Variants in CEP70 observed in about 807,000 individuals in gnomAD.
CEP70 encodes centrosomal protein 70.
In CEP70, 70 loss-of-function variants were observed where a neutral mutation model predicts 90.9. The observed-to-expected ratio is 0.77, with a 90% CI of 0.64 to 0.94. The LOEUF (loss-of-function observed/expected upper bound fraction) is 0.94. Ranked by LOEUF, CEP70 falls within the 40% of genes least tolerant of loss-of-function variation. The probability of loss-of-function intolerance (pLI) is 0.00; values close to 1 mark genes in which losing one functional copy is unlikely to be tolerated. For missense variants in CEP70, 648 were observed against 669.0 expected (o/e 0.97, Z 0.35); for synonymous variants, 220 against 228.3 (o/e 0.96, Z 0.33).
At chr3:138,582,794 T>C (rs994188506) in intron 2 of CEP70, among the ~76,000 whole-genome samples, 2 of 151,738 alleles carry the variant, frequency 1.3e-5, no homozygotes, top group African/African-American at 4.8e-5. Context: ...ATAAATAAGA[T>C]AATGGATTAT....
In CEP70 at chr3:138,505,430, T is replaced by G; in HGVS notation, c.1086A>C (p.Pro362=). 1 of 1,608,092 alleles carries G rather than the reference T, an allele frequency of 6.2e-7. No individual in the cohort carries two copies. Among genetic ancestry groups the G allele is most frequent in the Non-Finnish European group, 8.5e-7 (1 of 1,178,018 alleles). The change falls in exon 13 of 18, where the codon CCA becomes CCC. Residue 362 remains proline (P), a synonymous_variant. Coordinates refer to ENST00000264982, the MANE Select transcript of CEP70 (RefSeq NM_024491.4). Reference sequence around the variant, plus strand: ...GTTTATAAATTATTACTGGAGCTCTTGGATTGTGGATAATTGAATTGATGC... The same window carrying G: ...GTTTATAAATTATTACTGGAGCTCTGGGATTGTGGATAATTGAATTGATGC... The part of the protein sequence containing the change: ...LCSINSIIHN[P]RAPVIIYKQT...
chr3:138,534,075 C>T (rs1033001058), intron 7 of CEP70, among the ~76,000 whole-genome samples: 1 of 152,214 alleles, frequency 6.6e-6, no homozygotes, highest in East Asian at 1.9e-4. Flanking sequence ...TAAGCCACTG[C>T]GCCCGGCCTG....
chr3:138,541,778 T>C (rs1448471509), intron 6 of CEP70, among the ~76,000 whole-genome samples: 1 of 152,148 alleles, frequency 6.6e-6, no homozygotes, highest in Non-Finnish European at 1.5e-5. Context: ...TCCCAGCACT[T>C]TGGGAGGCAG....
chr3:138,495,118 T>C (rs758417188), intron 17 of CEP70, 42 bp from the exon 18 acceptor site: 12 of 1,212,752 alleles, frequency 9.9e-6, no homozygotes, highest in Non-Finnish European at 1.3e-5. Flanking sequence ...AGTAACTTTT[T>C]CTAGTGGTAA....
At chr3:138,521,106 A>C (rs2036578039) in intron 11 of CEP70, among the ~76,000 whole-genome samples, 1 of 152,308 alleles carries the variant, frequency 6.6e-6, no homozygotes, top group African/African-American at 2.4e-5. Flanking sequence ...TTGCTCACTC[A>C]GTGCTCAATG....
At chr3:138,506,019 C>G (rs1308462515) in intron 12 of CEP70, among the ~76,000 whole-genome samples, 1 of 152,194 alleles carries the variant, frequency 6.6e-6, no homozygotes, top group East Asian at 1.9e-4. Flanking sequence ...CAAACACTAC[C>G]TAGGTTCAAA....
chr3:138,570,399 T>A lies in CEP70; in HGVS notation c.384A>T (p.Glu128Asp), dbSNP rs1208852252. 1 of 1,609,060 alleles carries A rather than the reference T, an allele frequency of 6.2e-7. No individual in the cohort carries two copies. Among genetic ancestry groups the A allele is most frequent in the Non-Finnish European group, 8.5e-7 (1 of 1,178,234 alleles). Residue 128 changes from glutamate to aspartate, a missense_variant, in exon 6 of 18, where the codon GAA becomes GAT. Transcript: ENST00000264982. ...IMESVKSKIG[E>D]LEDESLSRAC... ...CCCTACTTAGTGATTCATCCTCCAA[T>A]TCACCAATTTTGGATTTCACACTTT...
At chr3:138,590,004 T>C (rs907398478) in intron 2 of CEP70, among the ~76,000 whole-genome samples, 1 of 151,784 alleles carries the variant, frequency 6.6e-6, no homozygotes, top group Non-Finnish European at 1.5e-5. Flanking sequence ...AATATATTAA[T>C]AGAACTAATA....
At chr3:138,555,243 C>A (rs1456986125) in intron 6 of CEP70, among the ~76,000 whole-genome samples, 3 of 88,566 alleles carry the variant, frequency 3.4e-5, no homozygotes, top group South Asian at 4.8e-4. Flanking sequence ...ATTGAGACTC[C>A]ATCTCAAAAA....
intron 2 of CEP70, among the ~76,000 whole-genome samples, chr3:138,574,432 G>A (rs374196839): frequency 3.9e-4 from 60 of 152,336 alleles, no homozygotes; most frequent in Middle Eastern, 3.4e-3. Context: ...TAAACAAAGC[G>A]GCAGGAAAGC....
Position 138,500,195 on chromosome 3 carries a change from TTAC to T in CEP70, c.1564_1566del (p.Val522del). On this transcript the variant is annotated inframe_deletion, in exon 16 of 18. Coordinates refer to ENST00000264982, the MANE Select transcript of CEP70 (RefSeq NM_024491.4). ...AGCCTACAGAGTTTTCCAACAGTGCTTACTAGCACACACAATGAGGATGAACTA... is the reference window on the plus strand; with the variant it reads ...AGCCTACAGAGTTTTCCAACAGTGCTTAGCACACACAATGAGGATGAACTA... 2 of 1,613,156 alleles carry T rather than the reference TTAC, an allele frequency of 1.2e-6. No homozygotes were observed. Among genetic ancestry groups the T allele is most frequent in the Non-Finnish European group, 1.7e-6 (2 of 1,179,114 alleles).
chr3:138,566,144 T>C (rs1444078746), intron 6 of CEP70, among the ~76,000 whole-genome samples: 1 of 152,226 alleles, frequency 6.6e-6, no homozygotes, highest in Admixed American at 6.5e-5. Flanking sequence ...TCATGCCATT[T>C]AGAATGGCGA....
chr3:138,501,462 C>CT (rs1362288332), intron 13 of CEP70, among the ~76,000 whole-genome samples: 2 of 152,134 alleles, frequency 1.3e-5, no homozygotes, highest in Non-Finnish European at 2.9e-5. Context: ...CCTGCAGCTC[C>CT]TAGGGTTAAT....
chr3:138,569,393 T>C (rs1233681923), intron 6 of CEP70, among the ~76,000 whole-genome samples: 1 of 152,196 alleles, frequency 6.6e-6, no homozygotes, highest in East Asian at 1.9e-4. Flanking sequence ...TATAATGACA[T>C]AATGTTAGTA....
intron 6 of CEP70, among the ~76,000 whole-genome samples, chr3:138,553,356 T>C (rs1244418428): frequency 2.0e-5 from 3 of 152,010 alleles, no homozygotes; most frequent in Non-Finnish European, 4.4e-5. Context: ...AGCGGGTGCC[T>C]ATAGTCCCAG....
chr3:138,555,537 G>C (rs992685922), intron 6 of CEP70, among the ~76,000 whole-genome samples: 1 of 152,074 alleles, frequency 6.6e-6, no homozygotes, highest in African/African-American at 2.4e-5. Context: ...CTAATATCCA[G>C]AATCTACAAG....
At chr3:138,561,910 G>C (rs1294513378) in intron 6 of CEP70, among the ~76,000 whole-genome samples, 1 of 151,576 alleles carries the variant, frequency 6.6e-6, no homozygotes, top group Non-Finnish European at 1.5e-5. Context: ...TGTAGTCCCA[G>C]CTATTGGGAG....
chr3:138,530,738 G>A (rs1456778110), intron 8 of CEP70: 2 of 985,148 alleles, frequency 2.0e-6, no homozygotes, highest in Non-Finnish European at 2.4e-6. Flanking sequence ...CTTTACTAAT[G>A]TAATACTTGT....
At chr3:138,496,616 T>C (rs2108646953) in intron 17 of CEP70, 1 of 985,392 alleles carries the variant, frequency 1.0e-6, no homozygotes. Context: ...AGAAAAAGAA[T>C]GGATTGTTTT....
Sources: gnomAD v4.1 joint callset for allele counts (sites outside exome capture counted in the v4.1 genomes callset) on GRCh38, gnomAD v4.1.1 for gene constraint, MANE v1.5 for transcripts, NCBI Gene and HGNC (gene_info 2026-07-23, HGNC 2026-07-21) for gene names.